Variants in NIPA1 observed in about 807,000 individuals in gnomAD.
NIPA1 encodes the protein magnesium transporter NIPA1.
Under a neutral mutation model 23.9 loss-of-function variants are expected in NIPA1, and 13 were observed. The observed-to-expected ratio is 0.54, with a 90% CI of 0.35 to 0.87. The LOEUF (loss-of-function observed/expected upper bound fraction) is 0.87. NIPA1 is among the 40% of genes least tolerant of loss of function. The pLI is 0.01. For synonymous variants in NIPA1, 234 were observed against 202.9 expected (o/e 1.15, Z -1.30); for missense variants, 362 against 429.7 (o/e 0.84, Z 1.39).
At chr15:22,798,671 T>C (rs1474447927) in intron 1 of NIPA1, among the ~76,000 whole-genome samples, 3 of 148,358 alleles carry the variant, frequency 2.0e-5, no homozygotes, top group Non-Finnish European at 4.5e-5. Context: ...ACACGGTGAA[T>C]CCCCGTCTCT....
chr15:22,812,652 T>TAAAA (rs60183245), intron 3 of NIPA1, among the ~76,000 whole-genome samples: 2 of 146,568 alleles, frequency 1.4e-5, no homozygotes, highest in African/African-American at 2.5e-5. Context: ...GACTCTGCCT[T>TAAAA]AAAAAAAAAA....
At position 22,820,406 on chromosome 15, in the gene NIPA1, T is replaced by A; in HGVS notation, c.411T>A (p.Ile137=). 1 of 1,612,598 alleles carries A rather than the reference T, an allele frequency of 6.2e-7. No homozygotes were observed. The highest frequency in any genetic ancestry group is 1.1e-5 in the South Asian group (1 of 91,064). The change falls in exon 4 of 5, where the codon ATT becomes ATA. Residue 137 remains isoleucine, a synonymous_variant. Coordinates refer to ENST00000337435, the MANE Select transcript of NIPA1 (RefSeq NM_144599.5). ...LLSCAGSVVL[I]IHSPKSESVT... ...GCTGTGCAGGCTCCGTCGTGCTGAT[T>A]ATCCACTCCCCAAAGTCTGAGAGTG...
At chr15:22,812,315 T>A in intron 3 of NIPA1, 62 bp downstream of exon 3, 1 of 1,244,800 alleles carries the variant, frequency 8.0e-7, no homozygotes, top group Non-Finnish European at 1.2e-6. Flanking sequence ...CTTTTCATTT[T>A]AAATGTTTCT....
chr15:22,810,745 A>C lies in NIPA1; in HGVS notation c.179-4A>C. On this transcript the variant is annotated splice_region_variant and splice_polypyrimidine_tract_variant and intron_variant, in intron 1 of 4. Transcript: ENST00000337435. ...TCTGACATTTTTTATCTCATTTTTTATAGGTACTTCCTATTTAACAGACAT... is the reference window on the plus strand; with the variant it reads ...TCTGACATTTTTTATCTCATTTTTTCTAGGTACTTCCTATTTAACAGACAT... 2 of 1,597,232 alleles carry C rather than the reference A, an allele frequency of 1.3e-6. No homozygotes were observed. Among genetic ancestry groups the C allele is most frequent in the Non-Finnish European group, 1.7e-6 (2 of 1,164,588 alleles).
intron 2 of NIPA1, among the ~76,000 whole-genome samples, chr15:22,811,274 CTAAATG>C (rs1290395313): frequency 6.6e-6 from 1 of 152,062 alleles, no homozygotes; most frequent in Non-Finnish European, 1.5e-5. Flanking sequence ...GTTCAGAACT[CTAAATG>C]TATTATAAAG....
chr15:22,799,374 A>G (rs1895015194), intron 1 of NIPA1, among the ~76,000 whole-genome samples: 1 of 152,188 alleles, frequency 6.6e-6, no homozygotes, highest in Admixed American at 6.5e-5. Flanking sequence ...ATAGACATAA[A>G]GATGAATATA....
At chr15:22,806,107 C>T (rs939567818) in intron 1 of NIPA1, among the ~76,000 whole-genome samples, 51 of 152,122 alleles carry the variant, frequency 3.4e-4, no homozygotes, top group East Asian at 1.2e-3. Context: ...GTATTTTTAG[C>T]AGAGACGGGG....
At chr15:22,822,203 G>A (rs7179051) in intron 4 of NIPA1, among the ~76,000 whole-genome samples, 44,743 of 152,086 alleles carry the variant, frequency 0.29, 6,780 homozygotes, top group Non-Finnish European at 0.33. Flanking sequence ...CATGTCTGAA[G>A]AATTCAGCAT....
intron 1 of NIPA1, among the ~76,000 whole-genome samples, chr15:22,806,976 C>T (rs1895223299): frequency 6.6e-6 from 1 of 152,052 alleles, no homozygotes; most frequent in East Asian, 1.9e-4. Flanking sequence ...TGGAGAAAAA[C>T]CTGACTTGCT....
At chr15:22,818,757 A>G (rs1043352881) in intron 3 of NIPA1, among the ~76,000 whole-genome samples, 1 of 152,134 alleles carries the variant, frequency 6.6e-6, no homozygotes, top group African/African-American at 2.4e-5. Flanking sequence ...AGACTGCTCC[A>G]CTGCACTCCA....
rs2140881432 is a variant in NIPA1 at position 22,828,921 on chromosome 15, CA to C, written c.*4683del. The C allele has an allele frequency of 6.6e-6, 1 of 152,648 alleles. No individual in the cohort carries two copies. Among genetic ancestry groups the C allele is most frequent in the Non-Finnish European group, 1.5e-5 (1 of 68,076 alleles). The allele number at this position is 152,648 out of a possible 1,614,324, so 9.5% of individuals were successfully genotyped here. The stretch of plus-strand genomic sequence containing the variant: ...TGGCCTGAGATGAGAGCACCGTGTT[CA>C]GAAGTGCCTGGGAGTGGCACAGTGG... On this transcript the variant is annotated 3_prime_UTR_variant, in exon 5 of 5. Transcript: ENST00000337435.
At chr15:22,786,604 G>C, upstream of NIPA1, 1 of 708,168 alleles carries the variant, frequency 1.4e-6, no homozygotes, top group Non-Finnish European at 1.7e-6. Context: ...CCCCCATCCC[G>C]CCCCGCGGGG....
intron 3 of NIPA1, among the ~76,000 whole-genome samples, chr15:22,814,977 C>T (rs1205357731): frequency 6.6e-6 from 1 of 152,156 alleles, no homozygotes; most frequent in Non-Finnish European, 1.5e-5. Context: ...GCCTTCACCT[C>T]CCAGATGCCA....
At chr15:22,817,248 C>G (rs1895443157) in intron 3 of NIPA1, among the ~76,000 whole-genome samples, 1 of 150,882 alleles carries the variant, frequency 6.6e-6, no homozygotes, top group Non-Finnish European at 1.5e-5. Flanking sequence ...GCCTGTAATC[C>G]CAGCACTTTG....
chr15:22,800,716 C>T (rs1052539909), intron 1 of NIPA1, among the ~76,000 whole-genome samples: 1 of 152,028 alleles, frequency 6.6e-6, no homozygotes, highest in East Asian at 1.9e-4. Context: ...ATCACAAGGT[C>T]AGGAGATTGA....
chr15:22,819,076 C>T (rs914406951), intron 3 of NIPA1, among the ~76,000 whole-genome samples: 4 of 152,096 alleles, frequency 2.6e-5, no homozygotes, highest in Admixed American at 2.6e-4. Flanking sequence ...TTGTTTCTTT[C>T]AGTGATGTTG....
chr15:22,818,207 G>A (rs1347650062), intron 3 of NIPA1, among the ~76,000 whole-genome samples: 5 of 152,168 alleles, frequency 3.3e-5, no homozygotes, highest in Admixed American at 6.5e-5. Flanking sequence ...GGGAGGCCGA[G>A]GCGGGTGGAT....
intron 1 of NIPA1, among the ~76,000 whole-genome samples, chr15:22,802,631 T>C (rs562405914): frequency 3.3e-5 from 5 of 152,034 alleles, no homozygotes; most frequent in Non-Finnish European, 7.4e-5. Context: ...TTTTGACAAA[T>C]GAATATGCCT....
intron 1 of NIPA1, among the ~76,000 whole-genome samples, chr15:22,797,795 C>T (rs995572792): frequency 3.4e-5 from 4 of 118,378 alleles, no homozygotes; most frequent in African/African-American, 1.5e-4. Flanking sequence ...CGTGAGCCAC[C>T]GCTCCTGGCC....
Sources: allele counts gnomAD v4.1 joint callset (sites outside exome capture counted in the v4.1 genomes callset), GRCh38; gene constraint gnomAD v4.1.1; transcripts MANE v1.5; gene names NCBI Gene and HGNC (gene_info 2026-07-23, HGNC 2026-07-21).